The following INSR variants were observed in gnomAD, a reference collection of about 807,000 sequenced individuals.
INSR encodes insulin receptor, also known as IR.
A neutral mutation model predicts 142.6 loss-of-function variants in INSR; 67 were observed. That is an observed-to-expected ratio of 0.47 (90% CI 0.39 to 0.58). The LOEUF (loss-of-function observed/expected upper bound fraction) is 0.58, where lower values mean the gene tolerates loss of function less well. Ranked by LOEUF, INSR falls within the 20% of genes least tolerant of loss-of-function variation. The pLI is 0.00. For missense variants in INSR, 1,248 were observed against 1,833.2 expected, an observed-to-expected ratio of 0.68 and a Z score of 5.83; for synonymous variants, 756 against 743.1, an observed-to-expected ratio of 1.02 and a Z score of -0.28.
At chr19:7,238,227 G>GA (rs200821055) in intron 2 of INSR, among the ~76,000 whole-genome samples, 12 of 150,204 alleles carry the variant, frequency 8.0e-5, no homozygotes, top group East Asian at 3.9e-4. Context: ...ATAATAGAGG[G>GA]AAAAAAAAAG....
chr19:7,267,616 G>C lies in INSR; in HGVS notation c.381C>G (p.His127Gln). 2 of 1,614,026 alleles carry C rather than the reference G, an allele frequency of 1.2e-6. No homozygotes were observed. The highest frequency in any genetic ancestry group is 2.2e-5 in the South Asian group (2 of 91,070). The change falls in exon 2 of 22, where the codon CAC becomes CAG. Residue 127 changes from histidine (H) to glutamine (Q), a missense_variant. Transcript: ENST00000302850. This position sits in a 1 kb window ranked among gnomAD's most constrained non-coding sequence, Gnocchi z 6.3. ...GGTTGTAGAGGCCGAGTTCCTTGAG[G>C]TGAACCATCTCGAAGATGACCAGCG... Reference protein sequence around the residue: ...NYALVIFEMVHLKELGLYNLM... With the variant: ...NYALVIFEMVQLKELGLYNLM...
intron 9 of INSR, among the ~76,000 whole-genome samples, chr19:7,160,047 C>A (rs1973707790): frequency 6.6e-6 from 1 of 152,132 alleles, no homozygotes; most frequent in South Asian, 2.1e-4. Context: ...GTCTGTAATA[C>A]CAGCACTTTG....
At chr19:7,217,704 A>C (rs1975030) in intron 2 of INSR, among the ~76,000 whole-genome samples, 125,408 of 152,130 alleles carry the variant, frequency 0.82, 51,864 homozygotes, top group Non-Finnish European at 0.85. Context: ...GGACTACAGG[A>C]GCCCGCCACC....
intron 15 of INSR, among the ~76,000 whole-genome samples, chr19:7,126,875 G>A (rs1321591660): frequency 3.5e-5 from 5 of 143,368 alleles, no homozygotes; most frequent in Admixed American, 7.0e-5. Context: ...CCCTCCCTGG[G>A]TGGTTTTTTT....
chr19:7,164,974 CA>C (rs1568458851), intron 8 of INSR, among the ~76,000 whole-genome samples: 1 of 151,398 alleles, frequency 6.6e-6, no homozygotes, highest in African/African-American at 2.4e-5. Context: ...ACTAAAAATA[CA>C]AAAATTAGCT....
intron 4 of INSR, 126 bp from the exon 5 acceptor site, chr19:7,172,560 A>G (rs369114016): frequency 8.8e-6 from 9 of 1,028,244 alleles, no homozygotes; most frequent in South Asian, 5.1e-5. Context: ...AAAACTCATC[A>G]TGCTTAGAAC....
chr19:7,189,722 G>C (rs187763391), intron 2 of INSR, among the ~76,000 whole-genome samples: 220 of 150,462 alleles, frequency 1.5e-3, no homozygotes, highest in South Asian at 6.9e-3. Context: ...GAAGTACAGC[G>C]GTGCCATCTC....
intron 6 of INSR, among the ~76,000 whole-genome samples, chr19:7,170,282 C>T (rs1329960323): frequency 1.3e-5 from 2 of 151,348 alleles, no homozygotes; most frequent in Non-Finnish European, 2.9e-5. Flanking sequence ...CTGTCACTGT[C>T]TCCCATCACC....
intron 2 of INSR, among the ~76,000 whole-genome samples, chr19:7,203,976 A>G (rs938252028): frequency 2.6e-5 from 4 of 151,710 alleles, no homozygotes; most frequent in African/African-American, 2.4e-5. Flanking sequence ...TCTGCCTCCC[A>G]GGTTCAAGGA....
At chr19:7,191,371 GGAAAGAAAA>G (rs78793162) in intron 2 of INSR, among the ~76,000 whole-genome samples, 2 of 149,594 alleles carry the variant, frequency 1.3e-5, no homozygotes, top group South Asian at 4.4e-4. Flanking sequence ...AGGGAAGGAG[GGAAAGAAAA>G]GAAAGAAAAG....
intron 2 of INSR, among the ~76,000 whole-genome samples, chr19:7,249,571 A>T (rs149462616): frequency 6.6e-5 from 10 of 152,128 alleles, no homozygotes; most frequent in African/African-American, 2.4e-4. Context: ...GCCCATTTTT[A>T]AAAAATGGGT....
rs1252842036 is a variant in INSR at position 7,166,504 on chromosome 19, T to C, written c.1611-100A>G. The C allele has an allele frequency of 1.0e-5, 13 of 1,293,116 alleles. No individual in the cohort carries two copies. The highest frequency in any genetic ancestry group is 1.3e-5 in the Non-Finnish European group (12 of 916,756). The allele number at this position is 1,293,116 out of a possible 1,614,324, so 80.1% of individuals were successfully genotyped here. On this transcript the variant is annotated intron_variant, in intron 7 of 21. Coordinates refer to ENST00000302850, the MANE Select transcript of INSR (RefSeq NM_000208.4). The surrounding 1 kb of genome is among the most constrained non-coding windows in gnomAD (Gnocchi z 4.1). ...GGAAGTTACATCCCATAGGGTCACA[T>C]GTTACTCACCCAACAATCTAATGCC... is the stretch of plus-strand genomic sequence containing the variant.
chr19:7,205,513 G>C (rs547039185), intron 2 of INSR, among the ~76,000 whole-genome samples: 8 of 152,230 alleles, frequency 5.3e-5, no homozygotes, highest in Admixed American at 1.3e-4. Flanking sequence ...TGTCAGTCCC[G>C]CAGTAGCCAG....
In INSR at chr19:7,113,567, A is replaced by G. The variant is rs1230990014; in HGVS notation, c.*3489T>C. The G allele has an allele frequency of 6.6e-6, 1 of 152,198 alleles. No homozygotes were observed. The allele number at this position is 152,198 out of a possible 1,614,324, so 9.4% of individuals were successfully genotyped here. A position where few individuals can be genotyped will look rare whatever the true frequency, so the allele number is the denominator to read the frequency against. ...GGAACTCCTGTGTGGCTTTCACTAC[A>G]TTAATGAAAAGGGTTTTAATCATAG... On this transcript the variant is annotated 3_prime_UTR_variant, in exon 22 of 22. Coordinates refer to ENST00000302850, the MANE Select transcript of INSR (RefSeq NM_000208.4).
At chr19:7,177,943 C>T (rs966045282) in intron 3 of INSR, among the ~76,000 whole-genome samples, 5 of 151,920 alleles carry the variant, frequency 3.3e-5, no homozygotes, top group Non-Finnish European at 5.9e-5. Flanking sequence ...ACACCACCAA[C>T]GCCACAGCTT....
chr19:7,198,142 A>C (rs1212040258), intron 2 of INSR, among the ~76,000 whole-genome samples: 1 of 151,864 alleles, frequency 6.6e-6, no homozygotes, highest in Non-Finnish European at 1.5e-5. Flanking sequence ...CGGAGGCCTC[A>C]GCGCAGCACA....
chr19:7,142,425 G>A (rs1973093461), intron 12 of INSR, among the ~76,000 whole-genome samples: 4 of 128,954 alleles, frequency 3.1e-5, no homozygotes, highest in African/African-American at 8.9e-5. Context: ...GCCAGGTTCG[G>A]TGCTCATGCC....
At chr19:7,200,821 C>T (rs1333250594) in intron 2 of INSR, among the ~76,000 whole-genome samples, 3 of 145,720 alleles carry the variant, frequency 2.1e-5, no homozygotes, top group South Asian at 2.2e-4. Context: ...GATCACGCCA[C>T]TGCACTCCAG....
chr19:7,286,552 T>G (rs1968349022), intron 1 of INSR, among the ~76,000 whole-genome samples: 1 of 151,508 alleles, frequency 6.6e-6, no homozygotes, highest in Admixed American at 6.6e-5. Context: ...CATGCTCAGC[T>G]AATTTTTAAA....
Sources: allele counts gnomAD v4.1 joint callset (sites outside exome capture counted in the v4.1 genomes callset), GRCh38; gene constraint gnomAD v4.1.1; non-coding constraint Gnocchi (gnomAD v3.1); transcripts MANE v1.5; gene names NCBI Gene and HGNC (gene_info 2026-07-23, HGNC 2026-07-21).